The following SLC35F4 variants were observed in gnomAD, a reference collection of about 807,000 sequenced individuals.
The protein encoded by SLC35F4 is solute carrier family 35 member F4.
A neutral mutation model predicts 44.2 loss-of-function variants in SLC35F4; 24 were observed. The ratio of observed to expected loss-of-function variants is 0.54; its 90% CI spans 0.39 to 0.76. The LOEUF is 0.76. Ranked by LOEUF, SLC35F4 falls within the 30% of genes least tolerant of loss-of-function variation. The pLI is 0.00. For synonymous variants in SLC35F4, 238 were observed against 223.6 expected, an observed-to-expected ratio of 1.06 and a Z score of -0.57; for missense variants, 562 against 586.1, an observed-to-expected ratio of 0.96 and a Z score of 0.42.
At chr14:57,860,530 C>A (rs1288631587) in intron 1 of SLC35F4, among the ~76,000 whole-genome samples, 2 of 152,134 alleles carry the variant, frequency 1.3e-5, no homozygotes, top group African/African-American at 4.8e-5. Flanking sequence ...CAAGAGGTGT[C>A]CCAGGTCTCA....
intron 1 of SLC35F4, among the ~76,000 whole-genome samples, chr14:57,959,028 G>C (rs1052047633): frequency 1.3e-5 from 2 of 152,314 alleles, no homozygotes; most frequent in Admixed American, 1.3e-4. Flanking sequence ...GCAGGGACAG[G>C]AACAAGAATG....
chr14:57,820,541 A>G (rs973701640), intron 1 of SLC35F4, among the ~76,000 whole-genome samples: 3 of 152,220 alleles, frequency 2.0e-5, no homozygotes, highest in Non-Finnish European at 4.4e-5. Context: ...TGTCTCAGTA[A>G]TTAATGTTTT....
chr14:57,738,210 AC>A (rs895253205), intron 1 of SLC35F4, among the ~76,000 whole-genome samples: 2 of 152,122 alleles, frequency 1.3e-5, no homozygotes, highest in African/African-American at 4.8e-5. Flanking sequence ...GATTGCAAAA[AC>A]TTTTGTTGAG....
chr14:57,922,987 A>G (rs1889471252), intron 1 of SLC35F4, among the ~76,000 whole-genome samples: 1 of 152,246 alleles, frequency 6.6e-6, no homozygotes, highest in Admixed American at 6.5e-5. Context: ...ACTAAGAGGC[A>G]AAAGCCTTAT....
intron 1 of SLC35F4, among the ~76,000 whole-genome samples, chr14:57,932,558 G>T (rs984686680): frequency 2.0e-5 from 3 of 152,128 alleles, no homozygotes; most frequent in Non-Finnish European, 4.4e-5. Context: ...GGGTGAATTA[G>T]AAATTTGGGA....
chr14:57,867,187 C>G (rs1004998751), upstream of SLC35F4, among the ~76,000 whole-genome samples: 1 of 151,960 alleles, frequency 6.6e-6, no homozygotes, highest in African/African-American at 2.4e-5. Context: ...AAGTCGACTT[C>G]AATGCCCCTC....
intron 1 of SLC35F4, among the ~76,000 whole-genome samples, chr14:57,956,912 C>A (rs1163248529): frequency 6.6e-6 from 1 of 152,098 alleles, no homozygotes; most frequent in African/African-American, 2.4e-5. Flanking sequence ...ACCAGAAATA[C>A]CATTTGACCC....
At chr14:57,719,797 CTTTA>C (rs1041381010) in intron 1 of SLC35F4, among the ~76,000 whole-genome samples, 2 of 151,982 alleles carry the variant, frequency 1.3e-5, no homozygotes, top group Non-Finnish European at 2.9e-5. Flanking sequence ...TTTGGATACC[CTTTA>C]TTTTTTTCTC....
At chr14:57,833,774 A>T (rs1884630075) in intron 1 of SLC35F4, among the ~76,000 whole-genome samples, 1 of 152,238 alleles carries the variant, frequency 6.6e-6, no homozygotes, top group Non-Finnish European at 1.5e-5. Context: ...GGCATATTTA[A>T]ATATACCATG....
intron 1 of SLC35F4, among the ~76,000 whole-genome samples, chr14:57,658,185 C>T (rs377518013): frequency 6.6e-6 from 1 of 152,068 alleles, no homozygotes; most frequent in Non-Finnish European, 1.5e-5. Context: ...ACTTAACATC[C>T]ATTAAATATG....
intron 1 of SLC35F4, among the ~76,000 whole-genome samples, chr14:57,944,783 G>T (rs1463429616): frequency 6.6e-6 from 1 of 151,544 alleles, no homozygotes; most frequent in African/African-American, 2.4e-5. Flanking sequence ...AAAGAAAAAA[G>T]AAAAGAAGAA....
chr14:57,629,215 T>C (rs1192935951), intron 1 of SLC35F4, among the ~76,000 whole-genome samples: 1 of 152,148 alleles, frequency 6.6e-6, no homozygotes, highest in African/African-American at 2.4e-5. Flanking sequence ...CTGAAAATGT[T>C]ACTGAAAGCT....
chr14:57,725,932 C>T (rs958238274), intron 1 of SLC35F4, among the ~76,000 whole-genome samples: 6 of 152,200 alleles, frequency 3.9e-5, no homozygotes, highest in African/African-American at 1.4e-4. Flanking sequence ...TTAAGTTTTG[C>T]TGGCCTAGAT....
At chr14:57,645,130 T>G (rs1044350150) in intron 1 of SLC35F4, among the ~76,000 whole-genome samples, 2 of 152,210 alleles carry the variant, frequency 1.3e-5, no homozygotes, top group East Asian at 3.8e-4. Flanking sequence ...ACATGAACTT[T>G]AAAGTAGTTT....
At chr14:57,820,836 G>A (rs1419656812) in intron 1 of SLC35F4, among the ~76,000 whole-genome samples, 1 of 152,058 alleles carries the variant, frequency 6.6e-6, no homozygotes, top group Admixed American at 6.5e-5. Context: ...AGAATACCTG[G>A]CAAAGATACA....
chr14:57,614,094 C>T (rs1459069605), intron 1 of SLC35F4, among the ~76,000 whole-genome samples: 1 of 152,120 alleles, frequency 6.6e-6, no homozygotes, highest in Non-Finnish European at 1.5e-5. Context: ...CCCACATAAA[C>T]AAGTTATAAA....
intron 1 of SLC35F4, among the ~76,000 whole-genome samples, chr14:57,958,993 C>G (rs2141086513): frequency 6.6e-6 from 1 of 152,272 alleles, no homozygotes; most frequent in East Asian, 1.9e-4. Context: ...GCCAGAGGTG[C>G]AGCCATGCAG....
intron 1 of SLC35F4, among the ~76,000 whole-genome samples, chr14:57,610,500 G>T (rs2071430167): frequency 6.6e-6 from 1 of 152,158 alleles, no homozygotes; most frequent in East Asian, 1.9e-4. Context: ...TTCAATTTGG[G>T]CTGTAAGACA....
chr14:57,872,437 T>G (rs771024696), intron 1 of SLC35F4, among the ~76,000 whole-genome samples: 1 of 152,096 alleles, frequency 6.6e-6, no homozygotes, highest in Non-Finnish European at 1.5e-5. Flanking sequence ...CAAATAACTT[T>G]TATGCTCCAA....
Sources: allele counts gnomAD v4.1 joint callset (sites outside exome capture counted in the v4.1 genomes callset), GRCh38; gene constraint gnomAD v4.1.1; transcripts MANE v1.5; gene names NCBI Gene and HGNC (gene_info 2026-07-23, HGNC 2026-07-21).